Variants in SUCO observed in about 807,000 individuals in gnomAD.
The protein encoded by SUCO is SUN domain containing ossification factor, also known as SUN domain-containing ossification factor.
In SUCO, 57 loss-of-function variants were observed where a neutral mutation model predicts 148.1. The ratio of observed to expected loss-of-function variants is 0.38; its 90% CI spans 0.31 to 0.48. The LOEUF (loss-of-function observed/expected upper bound fraction) is 0.48, where lower values mean the gene tolerates loss of function less well. Among genes scored for constraint, SUCO ranks in the 20% least tolerant of loss-of-function variants. The pLI is 0.96. For missense variants in SUCO, 1,331 were observed against 1,468.2 expected (o/e 0.91, Z 1.53); for synonymous variants, 470 against 502.7 (o/e 0.93, Z 0.87).
At chr1:172,575,764 GTA>G (rs1357884486) in intron 11 of SUCO, 141 bp downstream of exon 11, 10 of 494,404 alleles carry the variant, frequency 2.0e-5, no homozygotes, top group Non-Finnish European at 3.5e-5. Flanking sequence ...TCTTACTTGG[GTA>G]TATTATTTCA....
chr1:172,589,496 G>A lies in SUCO; in HGVS notation c.2395G>A (p.Val799Ile), dbSNP rs748282852. 1.2e-6 allele frequency: 2 copies of A among 1,611,636 alleles called. No individual in the cohort carries two copies. The highest frequency in any genetic ancestry group is 2.2e-5 in the East Asian group (1 of 44,842). ...ATCTATTACCTATGAAACAAATAAA[G>A]TTAATGAGTTAATGGATAATATTAT... ...KPSITYETNK[V>I]NELMDNIIKE... The change falls in exon 18 of 24, where the codon GTT becomes ATT. Residue 799 changes from valine (V) to isoleucine (I), a missense_variant. By Grantham distance (29) the Val-to-Ile change is conservative. Around this residue, in one of 3 missense-constraint regions of SUCO, gnomAD observed 992 missense variants for 1,093.5 expected, o/e 0.91. Coordinates refer to ENST00000263688, the MANE Select transcript of SUCO (RefSeq NM_014283.5).
At chr1:172,606,284 T>A (rs796187270) in intron 22 of SUCO, among the ~76,000 whole-genome samples, 7 of 150,854 alleles carry the variant, frequency 4.6e-5, no homozygotes, top group South Asian at 2.1e-4. Flanking sequence ...TTTTAATTTT[T>A]TTTTTTTTTC....
intron 11 of SUCO, chr1:172,577,146 TAA>T: frequency 3.4e-6 from 1 of 296,842 alleles, no homozygotes; most frequent in Non-Finnish European, 5.0e-6. Context: ...TATCAATATA[TAA>T]ATTCATATAT....
In SUCO at chr1:172,575,549, A is replaced by G. The variant is rs755233084; in HGVS notation, c.1189A>G (p.Thr397Ala). The G allele has an allele frequency of 1.2e-6, 2 of 1,612,068 alleles. No individual in the cohort carries two copies. Among genetic ancestry groups the G allele is most frequent in the East Asian group, 2.2e-5 (1 of 44,754 alleles). Residue 397 changes from threonine to alanine, a missense_variant, in exon 11 of 24, where the codon ACT becomes GCT. By Grantham distance (58) the Thr-to-Ala change is moderately conservative (BLOSUM62 0). Coordinates refer to ENST00000263688, the MANE Select transcript of SUCO (RefSeq NM_014283.5). ...AACAAATAAGTGGATTAAGCTGGGT[A>G]CTTTTCATGGTAGAGATGAGCGGAA... ...YPTNKWIKLGTFHGRDERNVQ... is the reference protein window; with the variant it reads ...YPTNKWIKLGAFHGRDERNVQ...
rs145095543 is a variant in SUCO at position 172,564,271 on chromosome 1, C to T, written c.733-4748C>T. Among the ~76,000 whole-genome samples, 396 of 152,348 alleles carry T rather than the reference C, an allele frequency of 2.6e-3. 1 individual carries two copies. Among genetic ancestry groups the T allele is most frequent in the African/African-American group, 9.0e-3 (376 of 41,582 alleles). ...GAGCTGTGAGAAGAGGGCCACCATC[C>T]TCCAGACCCCAGAATGTTAGATCCA... On this transcript the variant is annotated intron_variant, in intron 6 of 23. Transcript: ENST00000263688.
intron 22 of SUCO, among the ~76,000 whole-genome samples, chr1:172,604,381 T>C (rs377490835): frequency 8.6e-5 from 13 of 152,044 alleles, no homozygotes; most frequent in African/African-American, 2.6e-4. Flanking sequence ...ATTCTACCAA[T>C]AGTTAATTCA....
chr1:172,607,801 G>T lies in SUCO; in HGVS notation c.3266-946G>T, dbSNP rs1244465305. ...GATTAGTAATCTGGTAGAAATGACT[G>T]TTTAGAGGGATGTTTTGATATTTTC... On this transcript the variant is annotated intron_variant, in intron 22 of 23. Coordinates refer to ENST00000263688, the MANE Select transcript of SUCO (RefSeq NM_014283.5). 2.6e-5 allele frequency among the ~76,000 whole-genome samples: 4 copies of T among 151,972 alleles called. No individual in the cohort carries two copies. The East Asian group carries it at 7.7e-4, about 29-fold the overall frequency.
At chr1:172,584,080 T>C (rs560508899) in intron 15 of SUCO, among the ~76,000 whole-genome samples, 1 of 152,310 alleles carries the variant, frequency 6.6e-6, no homozygotes, top group South Asian at 2.1e-4. Flanking sequence ...TTTGTATGCT[T>C]TATGATTTAA....
intron 17 of SUCO, chr1:172,588,164 T>C: frequency 1.0e-6 from 1 of 985,298 alleles, no homozygotes; most frequent in Non-Finnish European, 1.2e-6. Context: ...ATCCTATGTG[T>C]GTAGGTGTGT....
intron 1 of SUCO, among the ~76,000 whole-genome samples, chr1:172,542,288 A>G (rs1571177834): frequency 6.6e-6 from 1 of 152,162 alleles, no homozygotes; most frequent in African/African-American, 2.4e-5. Flanking sequence ...AGGCTGAGGC[A>G]GGAGAATCAC....
chr1:172,573,199 C>T lies in SUCO; in HGVS notation c.1050-692C>T, dbSNP rs971961147. On this transcript the variant is annotated intron_variant, in intron 9 of 23. Transcript: ENST00000263688. ...ATCATTCCCAAAAGTTTCATCATAC[C>T]TCTTTGTAATTTCTCTCAAACTCTC... 2.0e-5 allele frequency among the ~76,000 whole-genome samples: 3 copies of T among 152,174 alleles called. No individual in the cohort carries two copies. In the South Asian group the frequency reaches 6.2e-4, roughly 32 times the overall value.
chr1:172,592,776 T>A (rs1372668631), intron 19 of SUCO, among the ~76,000 whole-genome samples: 3 of 152,120 alleles, frequency 2.0e-5, no homozygotes, highest in African/African-American at 4.8e-5. Context: ...TTTTGGTTCC[T>A]TATGAACTTT....
chr1:172,532,776 A>G, upstream of SUCO: 1 of 1,612,138 alleles, frequency 6.2e-7, no homozygotes, highest in Non-Finnish European at 8.5e-7. Flanking sequence ...CCTTGCGCGG[A>G]CTCAGCGCGC....
At chr1:172,553,157 G>GT (rs879127534) in intron 2 of SUCO, 103 bp from the exon 3 acceptor site, 1 of 1,268,418 alleles carries the variant, frequency 7.9e-7, no homozygotes, top group Non-Finnish European at 1.0e-6. Flanking sequence ...AAACAAGGCA[G>GT]TTTTTTGGTT....
intron 20 of SUCO, among the ~76,000 whole-genome samples, chr1:172,600,835 C>T (rs1657461595): frequency 6.6e-6 from 1 of 151,974 alleles, no homozygotes; most frequent in South Asian, 2.1e-4. Flanking sequence ...TTAGCAGCCA[C>T]ACATTGCCTG....
At position 172,589,241 on chromosome 1, in the gene SUCO, C is replaced by G; in HGVS notation, c.2140C>G (p.His714Asp). Residue 714 changes from histidine (H) to aspartate (D), a missense_variant, in exon 18 of 24, where the codon CAC becomes GAC. This residue lies in a region of SUCO where 992 missense variants were observed against 1,093.5 expected (regional missense o/e 0.91). Transcript: ENST00000263688. ...TATGCACCAGGATGACTTGGTGAAT[C>G]ACACTGTAGATGCAGTTGAACTTGA... ...SSMHQDDLVN[H>D]TVDAVELEPS... is the part of the protein sequence containing the mutation. 1 of 1,613,874 alleles carries G rather than the reference C, an allele frequency of 6.2e-7. No homozygotes were observed. Among genetic ancestry groups the G allele is most frequent in the Non-Finnish European group, 8.5e-7 (1 of 1,179,854 alleles).
chr1:172,592,611 G>C (rs530426815), intron 19 of SUCO, among the ~76,000 whole-genome samples: 1 of 152,032 alleles, frequency 6.6e-6, no homozygotes, highest in African/African-American at 2.4e-5. Context: ...ATTTCTGAGG[G>C]TTCTGTTCTG....
Position 172,577,812 on chromosome 1 carries a change from C to T in SUCO, c.1333C>T (p.Leu445Phe). 1 of 1,609,068 alleles carries T rather than the reference C, an allele frequency of 6.2e-7. No individual in the cohort carries two copies. The highest frequency in any genetic ancestry group is 8.5e-7 in the Non-Finnish European group (1 of 1,177,022). ...ATCAGAGCACTTTTGTCCATTAAGCCTTATAAGGTAATGCAGAACAAAATA... is the reference window on the plus strand; with the variant it reads ...ATCAGAGCACTTTTGTCCATTAAGCTTTATAAGGTAATGCAGAACAAAATA... The part of the protein sequence containing the change: ...FGSEHFCPLS[L>F]IRVFGTSMVE... Residue 445 changes from leucine to phenylalanine, a missense_variant, in exon 13 of 24, where the codon CTT becomes TTT. By Grantham distance (22) the Leu-to-Phe change is conservative. Around this residue, in one of 3 missense-constraint regions of SUCO, gnomAD observed 992 missense variants for 1,093.5 expected, o/e 0.91. Transcript: ENST00000263688.
At chr1:172,532,612 G>GC, upstream of SUCO, 1 of 1,613,982 alleles carries the variant, frequency 6.2e-7, no homozygotes, top group Non-Finnish European at 8.5e-7. Flanking sequence ...CACGAACTGT[G>GC]CTCAAAAGAG....
Sources: gnomAD v4.1 joint callset for allele counts (sites outside exome capture counted in the v4.1 genomes callset) on GRCh38, gnomAD v4.1.1 for gene constraint, gnomAD v4.1.1 regional missense constraint, MANE v1.5 for transcripts, NCBI Gene and HGNC (gene_info 2026-07-23, HGNC 2026-07-21) for gene names.